Variants in SEMA5B observed in about 807,000 individuals in gnomAD.
SEMA5B encodes semaphorin 5B.
A neutral mutation model predicts 135.0 loss-of-function variants in SEMA5B; 66 were observed. That is an observed-to-expected ratio of 0.49 (90% confidence interval 0.40 to 0.60). The LOEUF (loss-of-function observed/expected upper bound fraction) is 0.60, where lower values mean the gene tolerates loss of function less well. Among genes scored for constraint, SEMA5B ranks in the 20% least tolerant of loss-of-function variants. The probability of loss-of-function intolerance (pLI) is 0.00; values close to 1 mark genes in which losing one functional copy is unlikely to be tolerated. For missense variants in SEMA5B, 1,501 were observed against 1,566.3 expected (o/e 0.96, Z 0.70); for synonymous variants, 690 against 639.5 (o/e 1.08, Z -1.19).
At chr3:122,913,117 G>A (rs1937842527) in intron 17 of SEMA5B, 56 bp from the exon 18 acceptor site, 1 of 1,420,500 alleles carries the variant, frequency 7.0e-7, no homozygotes, top group Non-Finnish European at 9.1e-7. Context: ...ACCCCGGCCT[G>A]GGCCTCCCCG....
chr3:122,912,370 C>A, intron 18 of SEMA5B, 28 bp from the exon 19 acceptor site: 1 of 1,536,924 alleles, frequency 6.5e-7, no homozygotes. Context: ...GTGTGAGGGG[C>A]TGTAGGGGCA....
Position 122,910,971 on chromosome 3 carries a change from A to G in SEMA5B, c.3166T>C (p.Tyr1056His). The change falls in exon 22 of 23, where the codon TAC becomes CAC. Residue 1056 changes from tyrosine to histidine, a missense_variant. Physicochemically the swap from Tyr to His is moderately conservative, Grantham distance 83 (BLOSUM62 2). Coordinates refer to ENST00000357599, the MANE Select transcript of SEMA5B (RefSeq NM_001031702.4). The part of the protein sequence containing the change: ...LGSGLLTLAV[Y>H]LSCQHCQRQS... Reference sequence around the variant, plus strand: ...CGCTGGCAGTGCTGGCAAGACAGGTACACTGCTAGGGTCAGGAGCCCAGAG... The same window carrying G: ...CGCTGGCAGTGCTGGCAAGACAGGTGCACTGCTAGGGTCAGGAGCCCAGAG... 1.9e-6 allele frequency: 3 copies of G among 1,613,982 alleles called. No individual in the cohort carries two copies. Among genetic ancestry groups the G allele is most frequent in the Non-Finnish European group, 2.5e-6 (3 of 1,179,990 alleles).
At chr3:123,021,285 C>T (rs1344112714) in intron 1 of SEMA5B, among the ~76,000 whole-genome samples, 1 of 152,202 alleles carries the variant, frequency 6.6e-6, no homozygotes, top group Non-Finnish European at 1.5e-5. Flanking sequence ...ATGTGTAAAC[C>T]TTAAAAGCAG....
At position 122,922,011 on chromosome 3, in the gene SEMA5B, A is replaced by G; in HGVS notation, c.1592T>C (p.Leu531Pro). The G allele has an allele frequency of 6.6e-7, 1 of 1,524,464 alleles. No individual in the cohort carries two copies. The highest frequency in any genetic ancestry group is 8.8e-7 in the Non-Finnish European group (1 of 1,138,850). The allele number at this position is 1,524,464 out of a possible 1,614,324, so 94.4% of individuals were successfully genotyped here. Residue 531 changes from leucine to proline, a missense_variant, in exon 12 of 23, where the codon CTG (leucine) becomes CCG (proline). Coordinates refer to ENST00000357599, the MANE Select transcript of SEMA5B (RefSeq NM_001031702.4). ...PPGRREPLRS[L>P]RILHSARALF... Reference sequence around the variant, plus strand: ...CGCGCGGGCGCTGTGCAGGATGCGCAGGCTGCGCAGGGGCTCGCGGCGCCC... The same window carrying G: ...CGCGCGGGCGCTGTGCAGGATGCGCGGGCTGCGCAGGGGCTCGCGGCGCCC...
intron 15 of SEMA5B, 40 bp downstream of exon 15, chr3:122,913,818 G>A (rs1295892987): frequency 2.5e-6 from 4 of 1,569,552 alleles, no homozygotes; most frequent in African/African-American, 1.4e-5. Context: ...TGGGGGGCCC[G>A]GTTAGTCTGG....
chr3:123,002,066 C>T (rs968052491), intron 1 of SEMA5B, among the ~76,000 whole-genome samples: 3 of 152,178 alleles, frequency 2.0e-5, no homozygotes, highest in African/African-American at 7.2e-5. Flanking sequence ...ATAGGCTGTG[C>T]ATCCTAGCAT....
intron 1 of SEMA5B, among the ~76,000 whole-genome samples, chr3:122,975,761 T>A (rs1003998938): frequency 6.6e-6 from 1 of 151,948 alleles, no homozygotes; most frequent in Admixed American, 6.6e-5. Flanking sequence ...CTCCAATCCA[T>A]CCTACACAAA....
chr3:122,970,389 C>T (rs1010044043), intron 1 of SEMA5B, among the ~76,000 whole-genome samples: 1 of 152,216 alleles, frequency 6.6e-6, no homozygotes, highest in South Asian at 2.1e-4. Flanking sequence ...TTGTTGGGCC[C>T]CTTCTCCAGA....
intron 14 of SEMA5B, 40 bp downstream of exon 14, chr3:122,915,400 G>A (rs1262216917): frequency 6.4e-7 from 1 of 1,558,844 alleles, no homozygotes; most frequent in Non-Finnish European, 8.7e-7. Flanking sequence ...TCCCCACCCT[G>A]GTCCAAGGCA....
rs914702469 is a variant in SEMA5B, at chr3:122,911,169, C to A, written c.3092-124G>T. On this transcript the variant is annotated intron_variant, in intron 21 of 22. Transcript: ENST00000357599. ...AGGCATCCTGGAAAGGGCTCTGAGG[C>A]CACAGCCAAAGGAAACAGGGAGGCT... 7.7e-6 allele frequency: 8 copies of A among 1,036,276 alleles called. No homozygotes were observed. The African/African-American group carries it at 1.3e-4, about 17-fold the overall frequency. The allele number at this position is 1,036,276 out of a possible 1,614,324, so 64.2% of individuals were successfully genotyped here.
intron 1 of SEMA5B, among the ~76,000 whole-genome samples, chr3:122,986,523 T>G (rs1941700428): frequency 6.6e-6 from 1 of 152,100 alleles, no homozygotes. Context: ...GATAAGTCAC[T>G]CCTGTTGCTC....
At chr3:123,008,514 G>C (rs1942362572) in intron 1 of SEMA5B, among the ~76,000 whole-genome samples, 1 of 152,148 alleles carries the variant, frequency 6.6e-6, no homozygotes, top group South Asian at 2.1e-4. Flanking sequence ...GGGTGGGTGG[G>C]ATCTGAATGG....
chr3:122,982,349 AT>A (rs1941546032), intron 1 of SEMA5B, among the ~76,000 whole-genome samples: 1 of 152,188 alleles, frequency 6.6e-6, no homozygotes, highest in South Asian at 2.1e-4. Context: ...ATTAAATAAG[AT>A]TGGCTCTAGC....
chr3:123,023,224 G>A (rs1317042567), intron 1 of SEMA5B, among the ~76,000 whole-genome samples: 2 of 152,082 alleles, frequency 1.3e-5, no homozygotes, highest in Non-Finnish European at 2.9e-5. Context: ...AGTTAGTTAA[G>A]TGTTGTCATA....
intron 1 of SEMA5B, among the ~76,000 whole-genome samples, chr3:122,994,694 G>A (rs1941984356): frequency 6.6e-6 from 1 of 152,322 alleles, no homozygotes; most frequent in South Asian, 2.1e-4. Flanking sequence ...TGGCTCAGGG[G>A]TTAGGCAGGA....
chr3:122,971,223 T>C (rs1293863206), intron 1 of SEMA5B, among the ~76,000 whole-genome samples: 1 of 152,224 alleles, frequency 6.6e-6, no homozygotes, highest in East Asian at 1.9e-4. Context: ...GTCTGCAAAC[T>C]GGTGGCAGGA....
chr3:122,976,502 G>C (rs750160553), intron 1 of SEMA5B, among the ~76,000 whole-genome samples: 1 of 152,082 alleles, frequency 6.6e-6, no homozygotes, highest in Non-Finnish European at 1.5e-5. Context: ...AATTGATCTG[G>C]GGTTGGGCCT....
intron 14 of SEMA5B, among the ~76,000 whole-genome samples, chr3:122,915,105 A>T (rs1405632270): frequency 6.6e-6 from 1 of 152,140 alleles, no homozygotes; most frequent in Non-Finnish European, 1.5e-5. Flanking sequence ...TTGGCACTAG[A>T]TTTGCTTGCC....
chr3:122,932,088 A>G (rs1247851505), intron 5 of SEMA5B, among the ~76,000 whole-genome samples: 1 of 152,168 alleles, frequency 6.6e-6, no homozygotes, highest in African/African-American at 2.4e-5. Context: ...TCAATGAAAT[A>G]TTCGTATTCT....
Sources: gnomAD v4.1 joint callset for allele counts (sites outside exome capture counted in the v4.1 genomes callset) on GRCh38, gnomAD v4.1.1 for gene constraint, MANE v1.5 for transcripts, NCBI Gene and HGNC (gene_info 2026-07-23, HGNC 2026-07-21) for gene names.